ST6GALNAC1: variants seen among roughly 807,000 people sequenced by gnomAD.
The protein encoded by ST6GALNAC1 is ST6 N-acetylgalactosaminide alpha-2,6-sialyltransferase 1.
ST6GALNAC1 carries 45 observed loss-of-function variants against 56.8 expected under a neutral mutation model. The observed-to-expected ratio is 0.79, with a 90% CI of 0.62 to 1.02. The LOEUF is 1.02. ST6GALNAC1 is among the 50% of genes least tolerant of loss of function. ST6GALNAC1 has a pLI of 0.00. For synonymous variants in ST6GALNAC1, 295 were observed against 297.8 expected (o/e 0.99, Z 0.10); for missense variants, 743 against 754.8 (o/e 0.98, Z 0.18).
intron 1 of ST6GALNAC1, among the ~76,000 whole-genome samples, chr17:76,632,501 A>G (rs996711031): frequency 1.3e-5 from 2 of 152,156 alleles, no homozygotes; most frequent in African/African-American, 4.8e-5. Context: ...TTCAACCGCA[A>G]ATCTACAATT....
intron 4 of ST6GALNAC1, 125 bp from the exon 5 acceptor site, chr17:76,626,914 C>T: frequency 6.7e-7 from 1 of 1,483,848 alleles, no homozygotes; most frequent in Admixed American, 1.8e-5. Flanking sequence ...CTCGAGAGCC[C>T]AGGAATTCCA....
chr17:76,617,715 G>A, the ST6GALNAC1 span, among the ~76,000 whole-genome samples: 1 of 151,398 alleles, frequency 6.6e-6, no homozygotes, highest in Admixed American at 6.6e-5. Context: ...AGGCTGCAGT[G>A]AGCTGCGATC....
chr17:76,624,918 A>G lies in ST6GALNAC1; in HGVS notation c.*412T>C, dbSNP rs2075774418. The G allele has an allele frequency of 4.6e-6, 1 of 217,672 alleles. No individual in the cohort carries two copies. The highest frequency in any genetic ancestry group is 9.2e-6 in the Non-Finnish European group (1 of 108,424). The allele number at this position is 217,672 out of a possible 1,614,324, so 13.5% of individuals were successfully genotyped here. ...AACTCCTAGAAAGGTCTTCTAGACA[A>G]TCTGTAGTGAAGTTAAGTAATACCT... On this transcript the variant is annotated 3_prime_UTR_variant, in exon 9 of 9. Transcript: ENST00000156626.
the ST6GALNAC1 span, among the ~76,000 whole-genome samples, chr17:76,619,681 T>C: frequency 2.6e-5 from 4 of 151,938 alleles, no homozygotes; most frequent in Non-Finnish European, 4.4e-5. Context: ...TGAGGATATA[T>C]AATTGAAATA....
chr17:76,633,968 T>G (rs2075942633), intron 1 of ST6GALNAC1, among the ~76,000 whole-genome samples: 3 of 152,228 alleles, frequency 2.0e-5, no homozygotes, highest in Admixed American at 2.0e-4. Flanking sequence ...AGGCTGAAAC[T>G]GAATTTTGAA....
rs192529976 is a variant in ST6GALNAC1, at chr17:76,626,385, C to A, written c.1319G>T (p.Arg440Leu). 1.2e-6 allele frequency: 2 copies of A among 1,614,056 alleles called. No homozygotes were observed. The highest frequency in any genetic ancestry group is 1.7e-6 in the Non-Finnish European group (2 of 1,179,988). Residue 440 changes from arginine (R) to leucine (L), a missense_variant, in exon 6 of 9, where the codon CGC (arginine) becomes CTC (leucine). Coordinates refer to ENST00000156626, the MANE Select transcript of ST6GALNAC1 (RefSeq NM_018414.5). ...FKNVPLGKDV[R>L]YLHFLEGTRD... Reference sequence around the variant, plus strand: ...GGTGCCTTCCAGGAAGTGCAAGTAGCGGACGTCCTGAGGACCAAGGACAGG... The same window carrying A: ...GGTGCCTTCCAGGAAGTGCAAGTAGAGGACGTCCTGAGGACCAAGGACAGG...
In ST6GALNAC1 at chr17:76,626,749, C is replaced by T. The variant is rs2075805144; in HGVS notation, c.1213G>A (p.Gly405Arg). ...AAGCCGTAGAAGGATGTCCGAGTCC[C>T]CACATCCTGTTCGTAGCCTTTAATG... is the stretch of plus-strand genomic sequence containing the variant. ...ALIKGYEQDV[G>R]TRTSFYGFTA... Residue 405 changes from glycine to arginine, a missense_variant, in exon 5 of 9, where the codon GGG becomes AGG. Gly to Arg is a moderately radical substitution (Grantham distance 125, BLOSUM62 -2). Coordinates refer to ENST00000156626, the MANE Select transcript of ST6GALNAC1 (RefSeq NM_018414.5). 1.2e-6 allele frequency: 2 copies of T among 1,613,990 alleles called. No homozygotes were observed. The highest frequency in any genetic ancestry group is 1.3e-5 in the African/African-American group (1 of 74,920).
chr17:76,619,719 A>C, the ST6GALNAC1 span, among the ~76,000 whole-genome samples: 1 of 149,130 alleles, frequency 6.7e-6, no homozygotes, highest in African/African-American at 2.5e-5. Flanking sequence ...TGGGGTTATA[A>C]ATTAGATTTT....
chr17:76,642,737 C>A (rs1181797420), intron 1 of ST6GALNAC1, among the ~76,000 whole-genome samples: 2 of 152,062 alleles, frequency 1.3e-5, no homozygotes, highest in Admixed American at 1.3e-4. Flanking sequence ...TCAAGACCAG[C>A]CTGGCCAACA....
intron 1 of ST6GALNAC1, among the ~76,000 whole-genome samples, chr17:76,631,829 A>T (rs1475149252): frequency 6.6e-6 from 1 of 152,112 alleles, no homozygotes; most frequent in East Asian, 1.9e-4. Context: ...GCATGGGAGG[A>T]GGACACTTTC....
In ST6GALNAC1 at chr17:76,627,865, A is replaced by G. The variant is rs2075827950; in HGVS notation, c.832-282T>C. The stretch of plus-strand genomic sequence containing the variant: ...GTAATCCTAGCACTTTGGGAGGCCG[A>G]GGCGGGTGGATCACAAGGTCAGGAG... On this transcript the variant is annotated intron_variant, in intron 2 of 8. Coordinates refer to ENST00000156626, the MANE Select transcript of ST6GALNAC1 (RefSeq NM_018414.5). This position sits in a 1 kb window ranked among gnomAD's most constrained non-coding sequence, Gnocchi z 4.4. 6.6e-6 allele frequency among the ~76,000 whole-genome samples: 1 copy of G among 152,080 alleles called. No individual in the cohort carries two copies. The highest frequency in any genetic ancestry group is 2.4e-5 in the African/African-American group (1 of 41,402).
intron 4 of ST6GALNAC1, 33 bp from the exon 5 acceptor site, chr17:76,626,822 T>A: frequency 6.2e-7 from 1 of 1,612,190 alleles, no homozygotes; most frequent in South Asian, 1.1e-5. Context: ...ACGGGACAGG[T>A]GAGCAGAGGA....
At chr17:76,631,138 C>T (rs898319106) in intron 1 of ST6GALNAC1, among the ~76,000 whole-genome samples, 5 of 151,566 alleles carry the variant, frequency 3.3e-5, no homozygotes, top group African/African-American at 1.2e-4. Context: ...GAGACTGGAT[C>T]TCACTCTGTT....
chr17:76,635,495 G>A (rs1299441015), intron 1 of ST6GALNAC1, among the ~76,000 whole-genome samples: 1 of 152,142 alleles, frequency 6.6e-6, no homozygotes, highest in South Asian at 2.1e-4. Context: ...CAAACGGCTG[G>A]GTGTGGTGGT....
chr17:76,639,931 G>C (rs2076027078), intron 1 of ST6GALNAC1, among the ~76,000 whole-genome samples: 1 of 152,042 alleles, frequency 6.6e-6, no homozygotes, highest in African/African-American at 2.4e-5. Flanking sequence ...CGCCTGTCTT[G>C]GAGGGTGGGG....
At chr17:76,618,826 C>T in the ST6GALNAC1 span, among the ~76,000 whole-genome samples, 1 of 151,176 alleles carries the variant, frequency 6.6e-6, no homozygotes, top group Non-Finnish European at 1.5e-5. Flanking sequence ...CGCCTGTAGT[C>T]CCAGCTACTC....
chr17:76,637,903 C>T (rs2075998811), intron 1 of ST6GALNAC1, among the ~76,000 whole-genome samples: 1 of 152,118 alleles, frequency 6.6e-6, no homozygotes, highest in African/African-American at 2.4e-5. Flanking sequence ...ATGATCTCGG[C>T]TCACTGGAAG....
At chr17:76,638,716 G>C (rs1031667854) in intron 1 of ST6GALNAC1, among the ~76,000 whole-genome samples, 2 of 152,118 alleles carry the variant, frequency 1.3e-5, no homozygotes, top group African/African-American at 4.8e-5. Context: ...CAAGTAGCTG[G>C]AATTACAGGC....
rs1212532874 is a variant in ST6GALNAC1, at chr17:76,626,038, C to T, written c.1473G>A (p.Leu491=). ...EALHMDRYLL[L]HPDFLRYMKN... is the part of the protein sequence containing the mutation. ...TCATGTATCGGAGAAAGTCTGGGTGCAGCAACAGGTACCTGTCCATGTGCA... is the reference window on the plus strand; with the variant it reads ...TCATGTATCGGAGAAAGTCTGGGTGTAGCAACAGGTACCTGTCCATGTGCA... The change falls in exon 7 of 9, where the codon CTG becomes CTA. Residue 491 remains leucine, a synonymous_variant. Transcript: ENST00000156626. 2 of 1,614,064 alleles carry T rather than the reference C, an allele frequency of 1.2e-6. No individual in the cohort carries two copies. Among genetic ancestry groups the T allele is most frequent in the Non-Finnish European group, 1.7e-6 (2 of 1,180,044 alleles).
Sources: allele counts gnomAD v4.1 joint callset (sites outside exome capture counted in the v4.1 genomes callset), GRCh38; gene constraint gnomAD v4.1.1; non-coding constraint Gnocchi (gnomAD v3.1); transcripts MANE v1.5; gene names NCBI Gene and HGNC (gene_info 2026-07-23, HGNC 2026-07-21).